The following CELF2 variants were observed in gnomAD, a reference collection of about 807,000 sequenced individuals.
CELF2 encodes the protein CUG triplet repeat RNA-binding protein 2.
A neutral mutation model predicts 62.6 loss-of-function variants in CELF2; 8 were observed. The ratio of observed to expected loss-of-function variants is 0.13; its 90% CI spans 0.07 to 0.23. The LOEUF (loss-of-function observed/expected upper bound fraction) is 0.23, where lower values mean the gene tolerates loss of function less well. Ranked by LOEUF, CELF2 falls within the 10% of genes least tolerant of loss-of-function variation. CELF2 has a pLI of 1.00. For missense variants in CELF2, 333 were observed against 671.0 expected (o/e 0.50, Z 5.56); for synonymous variants, 258 against 250.0 (o/e 1.03, Z -0.30).
chr10:11,302,866 T>C lies in CELF2; in HGVS notation c.977-11273T>C, dbSNP rs1398659288. 1.3e-5 allele frequency among the ~76,000 whole-genome samples: 2 copies of C among 152,218 alleles called. No homozygotes were observed. Among genetic ancestry groups the C allele is most frequent in the East Asian group, 3.8e-4 (2 of 5,196 alleles). Reference sequence around the variant, plus strand: ...TCACCAGAGTTCTGCCTGGAAGCATTAGAATCCTGCCTTCCCGGAGTCCTC... The same window carrying C: ...TCACCAGAGTTCTGCCTGGAAGCATCAGAATCCTGCCTTCCCGGAGTCCTC... On this transcript the variant is annotated intron_variant, in intron 9 of 12. Coordinates refer to ENST00000633077, the MANE Select transcript of CELF2 (RefSeq NM_001326342.2). This position sits in a 1 kb window ranked among gnomAD's most constrained non-coding sequence, Gnocchi z 5.0.
At chr10:10,764,711 C>A in the CELF2 span, among the ~76,000 whole-genome samples, 2 of 152,164 alleles carry the variant, frequency 1.3e-5, no homozygotes, top group Non-Finnish European at 2.9e-5. Context: ...AATCATCATG[C>A]CAATACTTTA....
At chr10:11,279,438 A>G (rs907538661) in intron 8 of CELF2, among the ~76,000 whole-genome samples, 5 of 152,130 alleles carry the variant, frequency 3.3e-5, no homozygotes, top group African/African-American at 1.2e-4. Context: ...GAGGTCTGAG[A>G]ATGTCGAATT....
chr10:10,629,930 ATGTC>A, the CELF2 span, among the ~76,000 whole-genome samples: 1 of 141,580 alleles, frequency 7.1e-6, no homozygotes, highest in Non-Finnish European at 1.5e-5. Flanking sequence ...AGCCTATTAG[ATGTC>A]TTGCTCCTAA....
intron 2 of CELF2, among the ~76,000 whole-genome samples, chr10:10,980,346 C>T (rs1011435819): frequency 1.3e-5 from 2 of 152,146 alleles, no homozygotes; most frequent in Non-Finnish European, 2.9e-5. Flanking sequence ...TTTCTCTTCC[C>T]CCCCCAAGAT....
chr10:11,180,193 G>A (rs1356578881), intron 2 of CELF2, among the ~76,000 whole-genome samples: 2 of 152,152 alleles, frequency 1.3e-5, no homozygotes, highest in Non-Finnish European at 2.9e-5. Context: ...TCCATGTCTT[G>A]CTTAGCTTTT....
intron 12 of CELF2, among the ~76,000 whole-genome samples, chr10:11,327,642 C>CCAGAGGGAAAGGAAAGT: frequency 6.6e-6 from 1 of 152,204 alleles, no homozygotes; most frequent in South Asian, 2.1e-4. Flanking sequence ...TGATAAAGAC[C>CCAGAGGGAAAGGAAAGT]CAGAGGGAAA....
chr10:10,599,811 A>G, the CELF2 span, among the ~76,000 whole-genome samples: 3 of 146,560 alleles, frequency 2.0e-5, no homozygotes, highest in Admixed American at 2.1e-4. Context: ...GGCTCACTGC[A>G]AGCTCCACCT....
At chr10:11,122,179 T>A (rs575626119) in intron 1 of CELF2, among the ~76,000 whole-genome samples, 2 of 152,360 alleles carry the variant, frequency 1.3e-5, no homozygotes, top group South Asian at 4.1e-4. Context: ...GGAACAGTGT[T>A]TTTTTGAAAA....
rs11256956 is a variant in CELF2, at chr10:11,039,271, T to C, written c.74+21108T>C. Among the ~76,000 whole-genome samples the C allele has an allele frequency of 0.064, 9,734 of 152,212 alleles. 1,061 individuals are homozygous for C. The highest frequency in any genetic ancestry group is 0.22 in the African/African-American group (9,187 of 41,486). On this transcript the variant is annotated intron_variant, in intron 1 of 12. Transcript: ENST00000633077. The surrounding 1 kb of genome is among the most constrained non-coding windows in gnomAD (Gnocchi z 4.1). ...ATGAGATAGGAAGAAAAGTGGAGAA[T>C]GCACTTTGCTGGTGCTGAGATGAAC...
chr10:10,804,200 A>G (rs1379640474), intron 1 of CELF2, among the ~76,000 whole-genome samples: 1 of 152,240 alleles, frequency 6.6e-6, no homozygotes, highest in Non-Finnish European at 1.5e-5. Context: ...CAGATGATGA[A>G]TATTTCAGGT....
At chr10:11,199,371 A>G (rs1438537392) in intron 2 of CELF2, among the ~76,000 whole-genome samples, 1 of 152,156 alleles carries the variant, frequency 6.6e-6, no homozygotes, top group Non-Finnish European at 1.5e-5. Flanking sequence ...CTCTAGGCAG[A>G]CACTCTGTTG....
intron 2 of CELF2, among the ~76,000 whole-genome samples, chr10:10,921,354 C>T (rs1299709965): frequency 2.0e-5 from 3 of 152,054 alleles, no homozygotes; most frequent in African/African-American, 2.4e-5. Flanking sequence ...ACTGCAACCT[C>T]CGCCCCTGGG....
intron 3 of CELF2, among the ~76,000 whole-genome samples, chr10:11,229,680 C>T (rs915995788): frequency 4.0e-5 from 6 of 151,868 alleles, no homozygotes; most frequent in African/African-American, 1.5e-4. Flanking sequence ...ACCTCCACCT[C>T]CCAGGTTCAC....
At chr10:11,142,390 A>ATGGGCTGGGCTGGGC (rs374541254) in intron 1 of CELF2, among the ~76,000 whole-genome samples, 5 of 148,454 alleles carry the variant, frequency 3.4e-5, no homozygotes, top group African/African-American at 1.3e-4. Flanking sequence ...TTAAAAGTGG[A>ATGGGCTGGGCTGGGC]TGGGCTGGGC....
the CELF2 span, chr10:10,776,344 AAC>A: frequency 6.5e-6 from 1 of 153,456 alleles, no homozygotes; most frequent in East Asian, 1.9e-4. Context: ...CTTGCTGGAA[AAC>A]ACAGAATGAT....
intron 1 of CELF2, among the ~76,000 whole-genome samples, chr10:10,908,015 T>C (rs1325474103): frequency 6.6e-6 from 1 of 152,084 alleles, no homozygotes; most frequent in East Asian, 1.9e-4. Context: ...TGTTCATCTC[T>C]CTCTCTCTCC....
At chr10:10,849,786 T>C (rs2059263145) in intron 1 of CELF2, among the ~76,000 whole-genome samples, 1 of 152,090 alleles carries the variant, frequency 6.6e-6, no homozygotes, top group Non-Finnish European at 1.5e-5. Flanking sequence ...CACGTGTATG[T>C]GTATATGTAT....
At chr10:10,887,450 A>G (rs774628123) in intron 1 of CELF2, among the ~76,000 whole-genome samples, 1 of 152,330 alleles carries the variant, frequency 6.6e-6, no homozygotes, top group Non-Finnish European at 1.5e-5. Context: ...TATTATTATG[A>G]CAGGGTGGTA....
the CELF2 span, among the ~76,000 whole-genome samples, chr10:10,493,090 G>A: frequency 5.9e-5 from 9 of 152,090 alleles, no homozygotes; most frequent in South Asian, 2.1e-4. Context: ...AAACTGATAC[G>A]GTCACCCTCT....
Sources: allele counts gnomAD v4.1 joint callset (sites outside exome capture counted in the v4.1 genomes callset), GRCh38; gene constraint gnomAD v4.1.1; non-coding constraint Gnocchi (gnomAD v3.1); transcripts MANE v1.5; gene names NCBI Gene and HGNC (gene_info 2026-07-23, HGNC 2026-07-21).